Variants in TMEM117 observed in about 807,000 individuals in gnomAD.
TMEM117 encodes the protein transmembrane protein 117.
A neutral mutation model predicts 52.4 loss-of-function variants in TMEM117; 27 were observed. The ratio of observed to expected loss-of-function variants is 0.51; its 90% CI spans 0.38 to 0.71. The LOEUF is 0.71. Among genes scored for constraint, TMEM117 ranks in the 30% least tolerant of loss-of-function variants. The pLI, the probability that TMEM117 is intolerant of heterozygous loss-of-function variation, is 0.00. For missense variants in TMEM117, 556 were observed against 630.5 expected, an observed-to-expected ratio of 0.88 and a Z score of 1.26; for synonymous variants, 215 against 206.3, an observed-to-expected ratio of 1.04 and a Z score of -0.36.
At chr12:43,910,187 A>T (rs547275158) in intron 2 of TMEM117, among the ~76,000 whole-genome samples, 7,617 of 150,972 alleles carry the variant, frequency 0.05, 231 homozygotes, top group Middle Eastern at 0.13. Context: ...AGGCTGGTTC[A>T]ATATATGCAA....
the TMEM117 span, among the ~76,000 whole-genome samples, chr12:43,829,355 A>G: frequency 6.6e-6 from 1 of 152,222 alleles, no homozygotes; most frequent in South Asian, 2.1e-4. Flanking sequence ...CATTTAGATG[A>G]TGAGTACCCT....
intron 5 of TMEM117, among the ~76,000 whole-genome samples, chr12:44,212,248 C>T (rs764026184): frequency 1.1e-4 from 17 of 152,118 alleles, no homozygotes; most frequent in Non-Finnish European, 1.8e-4. Context: ...CATACCCTCC[C>T]GGGAGATCAA....
At chr12:44,096,736 T>C (rs1168450303) in intron 3 of TMEM117, among the ~76,000 whole-genome samples, 1 of 151,830 alleles carries the variant, frequency 6.6e-6, no homozygotes, top group Non-Finnish European at 1.5e-5. Context: ...AAGACTTACA[T>C]GTTAGACCTA....
intron 4 of TMEM117, among the ~76,000 whole-genome samples, chr12:44,172,237 C>T (rs1949056454): frequency 6.6e-6 from 1 of 152,156 alleles, no homozygotes; most frequent in African/African-American, 2.4e-5. Context: ...AAATAAGAGG[C>T]TTAAAACAAC....
At chr12:44,357,787 A>G (rs1324769355) in intron 6 of TMEM117, among the ~76,000 whole-genome samples, 1 of 152,120 alleles carries the variant, frequency 6.6e-6, no homozygotes, top group Non-Finnish European at 1.5e-5. Flanking sequence ...TAAAAATAGA[A>G]CTACCATTTG....
At chr12:43,812,951 A>T in the TMEM117 span, among the ~76,000 whole-genome samples, 1 of 151,004 alleles carries the variant, frequency 6.6e-6, no homozygotes, top group African/African-American at 2.4e-5. Context: ...GGCTGCAGTG[A>T]GCTACGATCA....
chr12:43,910,631 A>G (rs1275890952), intron 2 of TMEM117, among the ~76,000 whole-genome samples: 2 of 151,658 alleles, frequency 1.3e-5, no homozygotes, highest in African/African-American at 2.4e-5. Flanking sequence ...TCAGCTGATA[A>G]GCAACTTCAG....
At chr12:44,083,073 A>G (rs995803095) in intron 3 of TMEM117, among the ~76,000 whole-genome samples, 3 of 151,970 alleles carry the variant, frequency 2.0e-5, no homozygotes, top group African/African-American at 7.3e-5. Flanking sequence ...CCATTTTTCT[A>G]TCGGTGGATA....
intron 2 of TMEM117, among the ~76,000 whole-genome samples, chr12:43,853,749 T>G (rs1943351622): frequency 6.6e-6 from 1 of 152,176 alleles, no homozygotes; most frequent in African/African-American, 2.4e-5. Flanking sequence ...GAGTATCAAA[T>G]GAATAGTATG....
At chr12:44,314,914 T>C (rs1024148100) in intron 6 of TMEM117, among the ~76,000 whole-genome samples, 2 of 152,212 alleles carry the variant, frequency 1.3e-5, no homozygotes, top group African/African-American at 4.8e-5. Context: ...TAGGTTTTTT[T>C]GACTAATTCA....
At chr12:44,120,924 A>T (rs914181680) in intron 3 of TMEM117, among the ~76,000 whole-genome samples, 1 of 152,210 alleles carries the variant, frequency 6.6e-6, no homozygotes. Flanking sequence ...GTCCATTTTC[A>T]TGCTGCTGAT....
chr12:44,253,948 A>G (rs926411303), intron 5 of TMEM117, among the ~76,000 whole-genome samples: 2 of 151,302 alleles, frequency 1.3e-5, no homozygotes, highest in Admixed American at 1.3e-4. Context: ...AACTTGGAAA[A>G]TCATCTATTT....
At chr12:43,838,095 C>T (rs981775224) in intron 1 of TMEM117, among the ~76,000 whole-genome samples, 1 of 151,860 alleles carries the variant, frequency 6.6e-6, no homozygotes, top group Non-Finnish European at 1.5e-5. Flanking sequence ...GTAAGAAGTT[C>T]TAACTTTATT....
intron 6 of TMEM117, among the ~76,000 whole-genome samples, chr12:44,337,171 C>T (rs1304659136): frequency 2.0e-5 from 3 of 151,912 alleles, no homozygotes; most frequent in South Asian, 2.1e-4. Flanking sequence ...GAGGCTGGGA[C>T]GTTCAAGATC....
At chr12:43,921,251 C>A (rs1023897061) in intron 2 of TMEM117, among the ~76,000 whole-genome samples, 17 of 152,130 alleles carry the variant, frequency 1.1e-4, no homozygotes, top group Non-Finnish European at 2.5e-4. Flanking sequence ...ATTTTTCTTT[C>A]TGATTATTTT....
At chr12:44,169,279 G>A (rs1184580448) in intron 4 of TMEM117, among the ~76,000 whole-genome samples, 1 of 152,154 alleles carries the variant, frequency 6.6e-6, no homozygotes, top group Admixed American at 6.5e-5. Context: ...CTGCCATTTT[G>A]TTTTCCACTG....
intron 3 of TMEM117, among the ~76,000 whole-genome samples, chr12:44,099,260 AT>A (rs59510124): frequency 0.1 from 15,649 of 151,868 alleles, 905 homozygotes; most frequent in Middle Eastern, 0.2. Flanking sequence ...TTGTTTTTTA[AT>A]TTTTTTAAAA....
chr12:44,261,696 C>T (rs752862236), intron 5 of TMEM117, among the ~76,000 whole-genome samples: 60 of 152,214 alleles, frequency 3.9e-4, no homozygotes, highest in Non-Finnish European at 5.3e-4. Flanking sequence ...TATGACATTT[C>T]GCTTATAAAG....
intron 6 of TMEM117, among the ~76,000 whole-genome samples, chr12:44,303,662 T>G (rs945217279): frequency 1.4e-4 from 21 of 152,164 alleles, no homozygotes; most frequent in Non-Finnish European, 1.5e-5. Flanking sequence ...AAGGAAAACT[T>G]TATCTCAGTT....
Sources: gnomAD v4.1 joint callset for allele counts (sites outside exome capture counted in the v4.1 genomes callset) on GRCh38, gnomAD v4.1.1 for gene constraint, MANE v1.5 for transcripts, NCBI Gene and HGNC (gene_info 2026-07-23, HGNC 2026-07-21) for gene names.